Variants in ROBO2 observed in about 807,000 individuals in gnomAD.
ROBO2 encodes roundabout homolog 2.
Under a neutral mutation model 160.8 loss-of-function variants are expected in ROBO2, and 53 were observed. The observed-to-expected ratio is 0.33, with a 90% CI of 0.26 to 0.41. The LOEUF is 0.41. Ranked by LOEUF, ROBO2 falls within the 10% of genes least tolerant of loss-of-function variation. The pLI, the probability that ROBO2 is intolerant of heterozygous loss-of-function variation, is 1.00. For missense variants in ROBO2, 1,577 were observed against 1,722.4 expected (o/e 0.92, Z 1.49); for synonymous variants, 664 against 611.7 (o/e 1.09, Z -1.26).
At chr3:77,128,109 C>A (rs2075511496) in intron 2 of ROBO2, among the ~76,000 whole-genome samples, 1 of 152,086 alleles carries the variant, frequency 6.6e-6, no homozygotes, top group African/African-American at 2.4e-5. Flanking sequence ...AAAAATTATA[C>A]TTACTTCTCA....
chr3:76,692,966 A>G (rs1429599729), intron 2 of ROBO2, among the ~76,000 whole-genome samples: 1 of 150,776 alleles, frequency 6.6e-6, no homozygotes, highest in Non-Finnish European at 1.5e-5. Context: ...ATATCCCTAT[A>G]TATGTATGTA....
chr3:76,950,489 A>G (rs2078891572), intron 2 of ROBO2, among the ~76,000 whole-genome samples: 1 of 152,182 alleles, frequency 6.6e-6, no homozygotes, highest in Admixed American at 6.5e-5. Context: ...TTTCCAGTCA[A>G]TTATATATTT....
intron 2 of ROBO2, among the ~76,000 whole-genome samples, chr3:76,215,628 T>G (rs1416199427): frequency 6.6e-6 from 1 of 151,984 alleles, no homozygotes; most frequent in Non-Finnish European, 1.5e-5. Flanking sequence ...TAAAAAGAAA[T>G]GAACAAAGAC....
chr3:77,502,340 A>T (rs2087739461), intron 5 of ROBO2, among the ~76,000 whole-genome samples: 1 of 152,158 alleles, frequency 6.6e-6, no homozygotes, highest in African/African-American at 2.4e-5. Context: ...AGTTTTGAAA[A>T]TTTTTATTAT....
At chr3:76,548,281 C>CA (rs960928066) in intron 2 of ROBO2, among the ~76,000 whole-genome samples, 13 of 152,100 alleles carry the variant, frequency 8.5e-5, no homozygotes, top group Middle Eastern at 3.4e-3. Context: ...CATATGCTGA[C>CA]AAAAAAATGA....
chr3:77,285,512 C>T (rs1217014065), intron 2 of ROBO2, among the ~76,000 whole-genome samples: 4 of 152,144 alleles, frequency 2.6e-5, no homozygotes, highest in Non-Finnish European at 5.9e-5. Context: ...CTTTAGCCAG[C>T]CTTGTCTCCT....
intron 2 of ROBO2, among the ~76,000 whole-genome samples, chr3:77,391,092 G>T (rs944761517): frequency 3.3e-5 from 5 of 151,880 alleles, no homozygotes; most frequent in Admixed American, 3.3e-4. Context: ...CTTTCTCTCT[G>T]TTGGACACCA....
chr3:76,208,293 C>T (rs1474677753), intron 2 of ROBO2, among the ~76,000 whole-genome samples: 2 of 152,152 alleles, frequency 1.3e-5, no homozygotes, highest in African/African-American at 2.4e-5. Context: ...GAATGCTCTC[C>T]TTGTAATGGA....
chr3:76,025,953 C>G (rs2066730857), intron 2 of ROBO2, among the ~76,000 whole-genome samples: 1 of 151,788 alleles, frequency 6.6e-6, no homozygotes, highest in African/African-American at 2.4e-5. Context: ...CATTTTCTCC[C>G]CAATATTCTG....
At chr3:76,070,757 A>C (rs1229459951) in intron 2 of ROBO2, among the ~76,000 whole-genome samples, 1 of 152,062 alleles carries the variant, frequency 6.6e-6, no homozygotes, top group African/African-American at 2.4e-5. Context: ...CCCAGCTTTA[A>C]AATTTCTCTC....
intron 2 of ROBO2, among the ~76,000 whole-genome samples, chr3:77,129,324 C>T (rs934813621): frequency 6.6e-6 from 1 of 152,026 alleles, no homozygotes; most frequent in Non-Finnish European, 1.5e-5. Context: ...TGGTTTTGGA[C>T]CATGAATTTT....
At chr3:76,176,671 C>A (rs556066672) in intron 2 of ROBO2, among the ~76,000 whole-genome samples, 235 of 152,182 alleles carry the variant, frequency 1.5e-3, no homozygotes, top group African/African-American at 4.0e-3. Context: ...ACTAAAAATA[C>A]TCCTTTTAAT....
At chr3:76,459,567 G>A (rs945067434) in intron 2 of ROBO2, among the ~76,000 whole-genome samples, 1 of 152,036 alleles carries the variant, frequency 6.6e-6, no homozygotes, top group Non-Finnish European at 1.5e-5. Context: ...ATTGCATTGC[G>A]TGGTATAGCA....
At chr3:76,538,623 G>T (rs188193260) in intron 2 of ROBO2, among the ~76,000 whole-genome samples, 167 of 152,288 alleles carry the variant, frequency 1.1e-3, no homozygotes, top group African/African-American at 3.7e-3. Context: ...TACATGTTGT[G>T]CAGGATTGCT....
chr3:76,114,606 G>A (rs564878713), intron 2 of ROBO2, among the ~76,000 whole-genome samples: 1 of 152,030 alleles, frequency 6.6e-6, no homozygotes, highest in South Asian at 2.1e-4. Context: ...ACATTAAAGT[G>A]GTTATGTAAT....
chr3:76,090,421 G>A (rs1414548859), intron 2 of ROBO2, among the ~76,000 whole-genome samples: 1 of 151,970 alleles, frequency 6.6e-6, no homozygotes, highest in Non-Finnish European at 1.5e-5. Context: ...GTGAGATCCT[G>A]TCAAAACAAA....
At chr3:77,379,468 G>C (rs979775705) in intron 2 of ROBO2, among the ~76,000 whole-genome samples, 1 of 151,946 alleles carries the variant, frequency 6.6e-6, no homozygotes, top group Non-Finnish European at 1.5e-5. Flanking sequence ...AAAATTAAAA[G>C]TCAATGACTC....
chr3:77,368,306 A>G (rs114946873), intron 2 of ROBO2, among the ~76,000 whole-genome samples: 1 of 152,172 alleles, frequency 6.6e-6, no homozygotes, highest in South Asian at 2.1e-4. Flanking sequence ...CCAAGAGCAC[A>G]TAAGAAATTT....
intron 2 of ROBO2, among the ~76,000 whole-genome samples, chr3:77,149,796 CT>C (rs34729793): frequency 2.2e-4 from 32 of 146,662 alleles, no homozygotes; most frequent in South Asian, 4.3e-4. Flanking sequence ...TCCTATTTTG[CT>C]TTTTTTTTTT....
Sources: gnomAD v4.1 joint callset for allele counts (sites outside exome capture counted in the v4.1 genomes callset) on GRCh38, gnomAD v4.1.1 for gene constraint, MANE v1.5 for transcripts, NCBI Gene and HGNC (gene_info 2026-07-23, HGNC 2026-07-21) for gene names.